Variants in KCNIP3 observed in about 807,000 individuals in gnomAD.
The protein encoded by KCNIP3 is calsenilin.
In KCNIP3, 28 loss-of-function variants were observed where a neutral mutation model predicts 35.0. The ratio of observed to expected loss-of-function variants is 0.80; its 90% confidence interval spans 0.59 to 1.10. KCNIP3 has a LOEUF of 1.10. Ranked by LOEUF, KCNIP3 falls within the 50% of genes least tolerant of loss-of-function variation. KCNIP3 has a pLI of 0.00. For synonymous variants in KCNIP3, 134 were observed against 133.8 expected (o/e 1.00, Z -0.01); for missense variants, 295 against 338.4 (o/e 0.87, Z 1.01).
intron 2 of KCNIP3, among the ~76,000 whole-genome samples, chr2:95,369,869 C>T (rs926071933): frequency 3.7e-4 from 56 of 152,174 alleles, no homozygotes; most frequent in African/African-American, 1.4e-3. Context: ...ATCAATCCAC[C>T]TGCCTCAGCC....
At chr2:95,375,735 A>G (rs570260488) in intron 5 of KCNIP3, among the ~76,000 whole-genome samples, 1 of 152,240 alleles carries the variant, frequency 6.6e-6, no homozygotes, top group African/African-American at 2.4e-5. Context: ...CCCCACCCAG[A>G]CAGCTTCCCT....
chr2:95,376,858 C>A lies in KCNIP3; in HGVS notation c.447+1650C>A, dbSNP rs1680213915. Among the ~76,000 whole-genome samples, 1 of 152,232 alleles carries A rather than the reference C, an allele frequency of 6.6e-6. No individual in the cohort carries two copies. The highest frequency in any genetic ancestry group is 2.4e-5 in the African/African-American group (1 of 41,452). The stretch of plus-strand genomic sequence containing the variant: ...TCCTACGTGCGTCTGTAATGCAAGG[C>A]AACCCTGCATGACACTGTCTGCAAT... On this transcript the variant is annotated intron_variant, in intron 5 of 8. Coordinates refer to ENST00000295225, the MANE Select transcript of KCNIP3 (RefSeq NM_013434.5). This position sits in a 1 kb window ranked among gnomAD's most constrained non-coding sequence, Gnocchi z 4.2.
In KCNIP3 at chr2:95,376,081, C is replaced by T. The variant is rs1245583626; in HGVS notation, c.447+873C>T. 2.6e-5 allele frequency among the ~76,000 whole-genome samples: 4 copies of T among 152,352 alleles called. No individual in the cohort carries two copies. Among genetic ancestry groups the T allele is most frequent in the Non-Finnish European group, 4.4e-5 (3 of 68,038 alleles). ...ACGCTCCCCGCCTGCCCTGTGACCA[C>T]AGGACCCCTCGACTCTGAGCCACAC... On this transcript the variant is annotated intron_variant, in intron 5 of 8. Transcript: ENST00000295225. This position sits in a 1 kb window ranked among gnomAD's most constrained non-coding sequence, Gnocchi z 4.2.
At chr2:95,324,806 G>C (rs1425868040) in intron 2 of KCNIP3, among the ~76,000 whole-genome samples, 1 of 152,016 alleles carries the variant, frequency 6.6e-6, no homozygotes, top group African/African-American at 2.4e-5. Flanking sequence ...AGCTACTCGG[G>C]AGGTTGAGGC....
chr2:95,318,017 G>C (rs559406581), intron 2 of KCNIP3, among the ~76,000 whole-genome samples: 5 of 151,786 alleles, frequency 3.3e-5, no homozygotes, highest in Non-Finnish European at 7.4e-5. Flanking sequence ...GCTTTGGGCC[G>C]GGTCAAGGAT....
intron 2 of KCNIP3, among the ~76,000 whole-genome samples, chr2:95,329,804 G>A (rs1678882705): frequency 6.6e-6 from 1 of 152,234 alleles, no homozygotes; most frequent in Admixed American, 6.5e-5. Context: ...TTCGATCCTG[G>A]GTGCTGCTGT....
intron 2 of KCNIP3, among the ~76,000 whole-genome samples, chr2:95,328,647 C>T (rs139242441): frequency 3.9e-5 from 6 of 152,346 alleles, no homozygotes; most frequent in Admixed American, 3.3e-4. Context: ...CTGTGACTGC[C>T]GTCCCTGTGT....
At chr2:95,347,165 C>A in intron 2 of KCNIP3, 1 of 1,516,548 alleles carries the variant, frequency 6.6e-7, no homozygotes, top group South Asian at 1.2e-5. Flanking sequence ...CCGCCGCAGA[C>A]CAGTGGTCTG....
intron 2 of KCNIP3, chr2:95,354,963 G>A (rs1260408300): frequency 6.6e-6 from 1 of 152,320 alleles, no homozygotes; most frequent in African/African-American, 2.4e-5. Flanking sequence ...TGATGACAGT[G>A]ATAGGAACCA....
chr2:95,352,718 C>G (rs954235612), intron 2 of KCNIP3, among the ~76,000 whole-genome samples: 1 of 152,310 alleles, frequency 6.6e-6, no homozygotes, highest in South Asian at 2.1e-4. Flanking sequence ...CAAGCCCTTC[C>G]TCCCCTGCCT....
intron 2 of KCNIP3, among the ~76,000 whole-genome samples, chr2:95,373,898 A>G (rs1285652223): frequency 1.3e-5 from 2 of 152,234 alleles, no homozygotes; most frequent in East Asian, 3.8e-4. Context: ...AGGGAGGGCC[A>G]CATGGAGGAA....
rs1680179670 is a variant in KCNIP3 at position 95,376,109 on chromosome 2, T to C, written c.447+901T>C. 6.6e-6 allele frequency among the ~76,000 whole-genome samples: 1 copy of C among 152,224 alleles called. No individual in the cohort carries two copies. ...GACCCCTCGACTCTGAGCCACACTC[T>C]GAGGGCTCTGCACATAGAAGCAGAC... On this transcript the variant is annotated intron_variant, in intron 5 of 8. Coordinates refer to ENST00000295225, the MANE Select transcript of KCNIP3 (RefSeq NM_013434.5). This position sits in a 1 kb window ranked among gnomAD's most constrained non-coding sequence, Gnocchi z 4.2.
rs1678759572 is a variant in KCNIP3 at position 95,325,979 on chromosome 2, A to G, written c.181+15459A>G. 3.3e-5 allele frequency among the ~76,000 whole-genome samples: 5 copies of G among 151,024 alleles called. No homozygotes were observed. The South Asian group carries it at 1.0e-3, about 32-fold the overall frequency. ...TACACACACTCATAGGCACACATAC[A>G]CTCCTACACACTCACACACACTCAG... is the stretch of plus-strand genomic sequence containing the variant. On this transcript the variant is annotated intron_variant, in intron 2 of 8. Transcript: ENST00000295225.
chr2:95,330,558 G>A (rs1258237276), intron 2 of KCNIP3, among the ~76,000 whole-genome samples: 6 of 152,232 alleles, frequency 3.9e-5, no homozygotes, highest in Non-Finnish European at 8.8e-5. Context: ...ACCCCCCAGG[G>A]CAGCTGCCCA....
intron 2 of KCNIP3, among the ~76,000 whole-genome samples, chr2:95,352,218 C>T (rs1372084863): frequency 6.6e-6 from 1 of 152,188 alleles, no homozygotes; most frequent in Non-Finnish European, 1.5e-5. Flanking sequence ...CACGCCACTG[C>T]ACTCCAGCCT....
At chr2:95,335,558 T>G (rs942030473) in intron 2 of KCNIP3, among the ~76,000 whole-genome samples, 20 of 152,196 alleles carry the variant, frequency 1.3e-4, no homozygotes, top group Admixed American at 5.9e-4. Flanking sequence ...ACCATGCACA[T>G]GTCAGAATCT....
intron 2 of KCNIP3, among the ~76,000 whole-genome samples, chr2:95,333,311 C>T (rs915888165): frequency 6.6e-6 from 1 of 152,208 alleles, no homozygotes; most frequent in Admixed American, 6.5e-5. Flanking sequence ...GGCACAGAGT[C>T]GACTTGGGAA....
rs1415492664 is a variant in KCNIP3 at position 95,324,635 on chromosome 2, T to G, written c.181+14115T>G. ...AATAAAAAAAATGACAGTTTTGGCC[T>G]GGCATGGTGGCTCACGCCTGTAATC... On this transcript the variant is annotated intron_variant, in intron 2 of 8. Coordinates refer to ENST00000295225, the MANE Select transcript of KCNIP3 (RefSeq NM_013434.5). 6.8e-5 allele frequency among the ~76,000 whole-genome samples: 10 copies of G among 147,078 alleles called. No homozygotes were observed. The South Asian group carries it at 1.1e-3, about 16-fold the overall frequency.
At chr2:95,344,710 C>G (rs1679304276) in intron 2 of KCNIP3, among the ~76,000 whole-genome samples, 1 of 152,212 alleles carries the variant, frequency 6.6e-6, no homozygotes, top group African/African-American at 2.4e-5. Context: ...CCCTGTGAAG[C>G]TGGGCACATG....
Sources: allele counts gnomAD v4.1 joint callset (sites outside exome capture counted in the v4.1 genomes callset), GRCh38; gene constraint gnomAD v4.1.1; non-coding constraint Gnocchi (gnomAD v3.1); transcripts MANE v1.5; gene names NCBI Gene and HGNC (gene_info 2026-07-23, HGNC 2026-07-21).